Variants in PRKG1 observed in about 807,000 individuals in gnomAD.
PRKG1 encodes protein kinase cGMP-dependent 1, also known as cGMP-dependent protein kinase 1.
In PRKG1, 35 loss-of-function variants were observed where a neutral mutation model predicts 88.1. The observed-to-expected ratio is 0.40, with a 90% CI of 0.30 to 0.53. The LOEUF is 0.53. Ranked by LOEUF, PRKG1 falls within the 20% of genes least tolerant of loss-of-function variation. The pLI, the probability that PRKG1 is intolerant of heterozygous loss-of-function variation, is 0.59. For synonymous variants in PRKG1, 303 were observed against 292.5 expected (o/e 1.04, Z -0.37); for missense variants, 540 against 839.8 (o/e 0.64, Z 4.41).
At chr10:52,263,535 C>G (rs1380654523) in intron 10 of PRKG1, among the ~76,000 whole-genome samples, 1 of 151,864 alleles carries the variant, frequency 6.6e-6, no homozygotes, top group Admixed American at 6.6e-5. Context: ...GCAATAAGAA[C>G]CCTTGTGCCC....
chr10:51,863,564 AATGCAACAGAGTTG>A (rs1164028750), intron 4 of PRKG1, among the ~76,000 whole-genome samples: 1 of 152,164 alleles, frequency 6.6e-6, no homozygotes, highest in Non-Finnish European at 1.5e-5. Context: ...TTTAATACCC[AATGCAACAGAGTTG>A]AGAGGTGGGG....
At chr10:52,287,422 T>G (rs1360317972) in intron 14 of PRKG1, among the ~76,000 whole-genome samples, 2 of 152,000 alleles carry the variant, frequency 1.3e-5, no homozygotes, top group African/African-American at 4.8e-5. Context: ...TACTACTCCT[T>G]ACTTTAAATT....
intron 14 of PRKG1, among the ~76,000 whole-genome samples, chr10:52,286,823 T>C (rs981426225): frequency 1.3e-5 from 2 of 151,916 alleles, no homozygotes; most frequent in African/African-American, 4.8e-5. Context: ...TCCATTTTAC[T>C]CCTCAGTTTA....
At chr10:51,093,680 GTA>G (rs1365005003) in intron 1 of PRKG1, among the ~76,000 whole-genome samples, 3 of 144,858 alleles carry the variant, frequency 2.1e-5, no homozygotes, top group Non-Finnish European at 3.0e-5. Context: ...ATGTATGTGT[GTA>G]TATATATATT....
At chr10:51,758,511 AGAC>A (rs1194511398) in intron 3 of PRKG1, among the ~76,000 whole-genome samples, 1 of 152,100 alleles carries the variant, frequency 6.6e-6, no homozygotes, top group African/African-American at 2.4e-5. Context: ...GCAGAAGGGG[AGAC>A]GACAACAGGA....
intron 4 of PRKG1, among the ~76,000 whole-genome samples, chr10:51,828,079 T>A (rs938933370): frequency 1.3e-5 from 2 of 152,118 alleles, no homozygotes; most frequent in African/African-American, 2.4e-5. Flanking sequence ...TACTGAAAAA[T>A]TTTAATATGT....
At chr10:52,050,569 AC>A (rs747455173) in intron 5 of PRKG1, among the ~76,000 whole-genome samples, 10 of 152,156 alleles carry the variant, frequency 6.6e-5, no homozygotes, top group Non-Finnish European at 1.3e-4. Context: ...CTTAGTCATT[AC>A]AGTCCTGGTG....
chr10:52,170,414 G>C (rs1838633932), intron 9 of PRKG1, among the ~76,000 whole-genome samples: 1 of 152,170 alleles, frequency 6.6e-6, no homozygotes, highest in Non-Finnish European at 1.5e-5. Context: ...ATCTATGGTA[G>C]TGAACCAGAG....
chr10:51,725,867 G>A (rs760536892), intron 3 of PRKG1, among the ~76,000 whole-genome samples: 13 of 152,102 alleles, frequency 8.5e-5, no homozygotes, highest in Non-Finnish European at 1.6e-4. Context: ...TTGAACTCCT[G>A]ACTTCAAGTG....
intron 5 of PRKG1, among the ~76,000 whole-genome samples, chr10:51,970,041 CACACACACA>C (rs1564733427): frequency 1.4e-4 from 10 of 73,916 alleles, no homozygotes; most frequent in African/African-American, 3.7e-4. Flanking sequence ...CACACACACA[CACACACACA>C]CCCATATTTA....
chr10:51,566,409 A>G (rs75530565), intron 3 of PRKG1, among the ~76,000 whole-genome samples: 10,507 of 152,138 alleles, frequency 0.069, 1,186 homozygotes, highest in African/African-American at 0.24. Flanking sequence ...AAACTCATTG[A>G]ACAAGCGTTT....
intron 4 of PRKG1, among the ~76,000 whole-genome samples, chr10:51,874,075 G>C (rs1047785524): frequency 2.0e-5 from 3 of 152,126 alleles, no homozygotes; most frequent in African/African-American, 7.2e-5. Context: ...AAAATTATTT[G>C]AGCCAAATTT....
chr10:51,479,946 G>A (rs1027546125), intron 3 of PRKG1, among the ~76,000 whole-genome samples: 1 of 151,874 alleles, frequency 6.6e-6, no homozygotes. Flanking sequence ...ATCACCAGTA[G>A]CTTAAAATTT....
chr10:51,613,053 C>A (rs1414547104), intron 3 of PRKG1, among the ~76,000 whole-genome samples: 1 of 151,838 alleles, frequency 6.6e-6, no homozygotes, highest in Non-Finnish European at 1.5e-5. Context: ...TGTGTATGTT[C>A]ATTACGGTAT....
At chr10:52,227,320 A>G (rs1194519) in intron 9 of PRKG1, among the ~76,000 whole-genome samples, 143,277 of 152,140 alleles carry the variant, frequency 0.94, 68,026 homozygotes, top group East Asian at 1. Flanking sequence ...AAATATAGTC[A>G]ATCCCCTGTA....
At chr10:52,150,180 A>ATTATTATTATTATT (rs1554810280) in intron 8 of PRKG1, among the ~76,000 whole-genome samples, 15,884 of 136,922 alleles carry the variant, frequency 0.12, 1,136 homozygotes, top group South Asian at 0.24. Flanking sequence ...TAATAATAAT[A>ATTATTATTATTATT]ATAATTTGAT....
intron 2 of PRKG1, among the ~76,000 whole-genome samples, chr10:51,270,904 C>T (rs1171427162): frequency 6.6e-6 from 1 of 152,156 alleles, no homozygotes; most frequent in Non-Finnish European, 1.5e-5. Flanking sequence ...CCAATTCTAT[C>T]AAACATTATA....
chr10:51,408,309 G>A (rs1837981363), intron 2 of PRKG1, among the ~76,000 whole-genome samples: 1 of 152,200 alleles, frequency 6.6e-6, no homozygotes, highest in Admixed American at 6.5e-5. Context: ...AGGATGATGG[G>A]GAACATGGTA....
chr10:51,198,761 A>C (rs1445838916), intron 2 of PRKG1, among the ~76,000 whole-genome samples: 3 of 152,168 alleles, frequency 2.0e-5, no homozygotes. Flanking sequence ...CCGGGTAGAA[A>C]GTTAGTTAGA....
Sources: gnomAD v4.1 joint callset for allele counts (sites outside exome capture counted in the v4.1 genomes callset) on GRCh38, gnomAD v4.1.1 for gene constraint, MANE v1.5 for transcripts, NCBI Gene and HGNC (gene_info 2026-07-23, HGNC 2026-07-21) for gene names.